The following PTPRN2 variants were observed in gnomAD, a reference collection of about 807,000 sequenced individuals.
The protein encoded by PTPRN2 is protein tyrosine phosphatase receptor type N2, also known as receptor-type tyrosine-protein phosphatase N2.
PTPRN2 carries 74 observed loss-of-function variants against 118.8 expected under a neutral mutation model. The ratio of observed to expected loss-of-function variants is 0.62; its 90% CI spans 0.52 to 0.76. The LOEUF (loss-of-function observed/expected upper bound fraction) is 0.76. Among genes scored for constraint, PTPRN2 ranks in the 30% least tolerant of loss-of-function variants. PTPRN2 has a pLI of 0.00. For missense variants in PTPRN2, 1,481 were observed against 1,394.4 expected (o/e 1.06, Z -0.99); for synonymous variants, 641 against 608.0 (o/e 1.05, Z -0.80).
chr7:157,644,219 C>T (rs919920300), intron 14 of PTPRN2, among the ~76,000 whole-genome samples: 1 of 152,236 alleles, frequency 6.6e-6, no homozygotes, highest in Non-Finnish European at 1.5e-5. Flanking sequence ...CCTGAGAAGA[C>T]AGAGCAGGAT....
intron 11 of PTPRN2, among the ~76,000 whole-genome samples, chr7:157,942,689 G>A (rs1012861279): frequency 5.9e-5 from 9 of 152,022 alleles, no homozygotes; most frequent in Non-Finnish European, 1.3e-4. Context: ...GTCCCTCACT[G>A]TCTTTCCCCA....
intron 14 of PTPRN2, among the ~76,000 whole-genome samples, chr7:157,637,510 T>C (rs751768394): frequency 6.6e-6 from 1 of 152,194 alleles, no homozygotes; most frequent in Non-Finnish European, 1.5e-5. Flanking sequence ...AGCCGTTTCG[T>C]ATCACGATTT....
intron 12 of PTPRN2, among the ~76,000 whole-genome samples, chr7:157,841,740 G>T (rs1326443995): frequency 2.0e-5 from 3 of 152,164 alleles, no homozygotes; most frequent in Non-Finnish European, 4.4e-5. Flanking sequence ...GGTAAATAAA[G>T]GTTGCTTGAG....
intron 1 of PTPRN2, among the ~76,000 whole-genome samples, chr7:158,497,323 G>A (rs1034314113): frequency 1.4e-5 from 2 of 148,142 alleles, no homozygotes; most frequent in African/African-American, 2.5e-5. Flanking sequence ...CCCACTGCAC[G>A]TAGGGGTGGG....
intron 3 of PTPRN2, among the ~76,000 whole-genome samples, chr7:158,312,066 GAC>G (rs10537352): frequency 9.0e-4 from 135 of 150,154 alleles, no homozygotes; most frequent in African/African-American, 3.1e-3. Flanking sequence ...CTCACATGTA[GAC>G]ACACACACGT....
chr7:158,393,087 G>T (rs1353147376), intron 2 of PTPRN2, among the ~76,000 whole-genome samples: 1 of 152,098 alleles, frequency 6.6e-6, no homozygotes, highest in Non-Finnish European at 1.5e-5. Flanking sequence ...AGGGGCCTCT[G>T]CACCCCAGGT....
At chr7:157,853,203 A>C (rs1446000163) in intron 12 of PTPRN2, among the ~76,000 whole-genome samples, 1 of 152,136 alleles carries the variant, frequency 6.6e-6, no homozygotes, top group Non-Finnish European at 1.5e-5. Context: ...CATTCCGAGG[A>C]GTCATGTAGT....
intron 2 of PTPRN2, among the ~76,000 whole-genome samples, chr7:158,406,052 G>T (rs1192482542): frequency 1.2e-4 from 13 of 112,706 alleles, no homozygotes; most frequent in South Asian, 3.2e-4. Flanking sequence ...CGTGAGACAC[G>T]TGGCCGCACA....
chr7:157,789,116 C>A (rs1804265962), intron 12 of PTPRN2, among the ~76,000 whole-genome samples: 1 of 152,232 alleles, frequency 6.6e-6, no homozygotes, highest in African/African-American at 2.4e-5. Context: ...TTAGGTAATG[C>A]CCACACCTGA....
At chr7:158,456,879 T>G (rs529669279) in intron 2 of PTPRN2, among the ~76,000 whole-genome samples, 1 of 152,200 alleles carries the variant, frequency 6.6e-6, no homozygotes, top group Non-Finnish European at 1.5e-5. Flanking sequence ...GGCTCAATGA[T>G]TCCCCCGCCT....
intron 2 of PTPRN2, among the ~76,000 whole-genome samples, chr7:158,343,107 A>G (rs1807190145): frequency 1.3e-5 from 2 of 152,224 alleles, no homozygotes; most frequent in African/African-American, 4.8e-5. Context: ...GGACACTATT[A>G]GCAGCAGGAA....
chr7:158,460,457 G>C (rs1015748063), intron 2 of PTPRN2, among the ~76,000 whole-genome samples: 1 of 151,166 alleles, frequency 6.6e-6, no homozygotes, highest in Admixed American at 6.6e-5. Context: ...TCCTGCTAGA[G>C]GGTCTGTGTG....
intron 3 of PTPRN2, among the ~76,000 whole-genome samples, chr7:158,283,508 C>T (rs1040058257): frequency 2.0e-4 from 31 of 152,262 alleles, no homozygotes; most frequent in African/African-American, 7.2e-4. Context: ...TGACTGGCCA[C>T]GTCGTGGAGT....
chr7:158,316,208 C>T (rs919602336), intron 3 of PTPRN2, among the ~76,000 whole-genome samples: 24 of 152,274 alleles, frequency 1.6e-4, no homozygotes, highest in East Asian at 1.9e-4. Context: ...CCCTTCCCTA[C>T]GCACAGTGCT....
chr7:158,086,531 T>C (rs1376878484), intron 10 of PTPRN2, among the ~76,000 whole-genome samples: 9 of 152,200 alleles, frequency 5.9e-5, no homozygotes, highest in Admixed American at 5.9e-4. Context: ...CTTGAGCCAG[T>C]TACAACACTA....
intron 11 of PTPRN2, among the ~76,000 whole-genome samples, chr7:158,070,318 AGGTGCT>A (rs1811123111): frequency 7.3e-6 from 1 of 137,746 alleles, no homozygotes; most frequent in Non-Finnish European, 1.6e-5. Context: ...CTGGTGGTGG[AGGTGCT>A]CGTGGTGTGG....
At position 158,167,385 on chromosome 7, in the gene PTPRN2, T is replaced by TA; in HGVS notation, c.550-95dup. 2.1e-6 allele frequency: 3 copies of TA among 1,462,798 alleles called. No individual in the cohort carries two copies. In the South Asian group the frequency reaches 4.0e-5, roughly 20 times the overall value. The allele number at this position is 1,462,798 out of a possible 1,614,324, so 90.6% of individuals were successfully genotyped here. ...CCTTCAGTCTCAGTTTTCAAGGTCC[T>TA]AAACAGCCCTGGGGGTACAAAGATG... On this transcript the variant is annotated intron_variant, in intron 5 of 22. Transcript: ENST00000389418.
rs1487067169 is a variant in PTPRN2, at chr7:157,598,479, G to A, written c.2419-3164C>T. Among the ~76,000 whole-genome samples, 5 of 147,830 alleles carry A rather than the reference G, an allele frequency of 3.4e-5. 1 individual carries two copies. The highest frequency in any genetic ancestry group is 1.3e-4 in the African/African-American group (5 of 37,668). ...TCTGTATGGTGGGTGAGCTCAGGGA[G>A]TGAGGAGCTTGGACGTCGGCGTCTC... On this transcript the variant is annotated intron_variant, in intron 16 of 22. Transcript: ENST00000389418. This position sits in a 1 kb window ranked among gnomAD's most constrained non-coding sequence, Gnocchi z 5.2.
At chr7:158,295,118 G>A (rs1229397983) in intron 3 of PTPRN2, among the ~76,000 whole-genome samples, 13 of 137,388 alleles carry the variant, frequency 9.5e-5, no homozygotes, top group East Asian at 2.3e-4. Flanking sequence ...CCGCCTTTCC[G>A]AGGGTCAGAG....
Sources: gnomAD v4.1 joint callset for allele counts (sites outside exome capture counted in the v4.1 genomes callset) on GRCh38, gnomAD v4.1.1 for gene constraint, Gnocchi (gnomAD v3.1) non-coding constraint, MANE v1.5 for transcripts, NCBI Gene and HGNC (gene_info 2026-07-23, HGNC 2026-07-21) for gene names.